RAB1A: variants seen among roughly 807,000 people sequenced by gnomAD.
RAB1A encodes RAB1A, member RAS oncogene family.
In RAB1A, 2 loss-of-function variants were observed where a neutral mutation model predicts 26.0. That is an observed-to-expected ratio of 0.08 (90% CI 0.03 to 0.24). The LOEUF (loss-of-function observed/expected upper bound fraction) is 0.24. Among genes scored for constraint, RAB1A ranks in the 10% least tolerant of loss-of-function variants. The probability of loss-of-function intolerance (pLI) is 1.00; values close to 1 mark genes in which losing one functional copy is unlikely to be tolerated. For missense variants in RAB1A, 100 were observed against 247.0 expected (o/e 0.40, Z 3.99); for synonymous variants, 84 against 84.9 (o/e 0.99, Z 0.06).
In RAB1A at chr2:65,086,960, A is replaced by T. The variant is rs557212318; in HGVS notation, c.*1533T>A. The stretch of plus-strand genomic sequence containing the variant: ...CTTACCACTTATTTTTGTACCATGT[A>T]TTTCAATTGCCTGTTTAGTGAAAAA... On this transcript the variant is annotated 3_prime_UTR_variant, in exon 6 of 6. Coordinates refer to ENST00000409784, the MANE Select transcript of RAB1A (RefSeq NM_004161.5). The T allele has an allele frequency of 6.6e-6, 1 of 152,670 alleles. No individual in the cohort carries two copies. Among genetic ancestry groups the T allele is most frequent in the South Asian group, 2.1e-4 (1 of 4,828 alleles). 9.5% of individuals were successfully genotyped at this position (152,670 alleles called of 1,614,324 possible).
chr2:65,105,950 A>T (rs1435747818), intron 1 of RAB1A, among the ~76,000 whole-genome samples: 1 of 152,128 alleles, frequency 6.6e-6, no homozygotes, highest in Non-Finnish European at 1.5e-5. Flanking sequence ...TTTAGTAGAC[A>T]CGGGTTTCAC....
intron 1 of RAB1A, among the ~76,000 whole-genome samples, chr2:65,114,586 G>A (rs1669779577): frequency 6.6e-6 from 1 of 152,306 alleles, no homozygotes; most frequent in Non-Finnish European, 1.5e-5. Context: ...GCTCACGCCT[G>A]TAATCCCAGC....
At chr2:65,094,584 C>CA (rs11301138) in intron 3 of RAB1A, among the ~76,000 whole-genome samples, 113 of 121,042 alleles carry the variant, frequency 9.3e-4, no homozygotes, top group African/African-American at 3.0e-3. Flanking sequence ...AACTCCGTCT[C>CA]AAAAAAAAAA....
intron 1 of RAB1A, among the ~76,000 whole-genome samples, chr2:65,108,304 G>A (rs1336871978): frequency 6.7e-6 from 1 of 149,988 alleles, no homozygotes; most frequent in African/African-American, 2.5e-5. Flanking sequence ...AGAGGTTGCA[G>A]TGCGCTGACA....
intron 3 of RAB1A, among the ~76,000 whole-genome samples, chr2:65,095,516 C>CTT (rs35819441): frequency 0.023 from 2,881 of 125,870 alleles, 77 homozygotes; most frequent in Middle Eastern, 0.05. Flanking sequence ...CACCTGGTTA[C>CTT]TTTTTTTTTT....
chr2:65,101,599 T>C (rs1374451777), intron 2 of RAB1A, among the ~76,000 whole-genome samples: 1 of 151,824 alleles, frequency 6.6e-6, no homozygotes, highest in East Asian at 1.9e-4. Flanking sequence ...CTACCGAGAG[T>C]TGCTTAAGAA....
At chr2:65,109,920 T>C (rs956425256) in intron 1 of RAB1A, among the ~76,000 whole-genome samples, 3 of 152,158 alleles carry the variant, frequency 2.0e-5, no homozygotes, top group Non-Finnish European at 2.9e-5. Flanking sequence ...CATAGCTATC[T>C]GTGGGTGTGG....
intron 2 of RAB1A, among the ~76,000 whole-genome samples, chr2:65,103,969 G>A (rs1041466279): frequency 4.6e-5 from 7 of 151,914 alleles, no homozygotes; most frequent in Non-Finnish European, 8.8e-5. Context: ...TAGTAGAGAC[G>A]GGGTTTCACC....
intron 1 of RAB1A, among the ~76,000 whole-genome samples, chr2:65,114,863 A>AC (rs57372779): frequency 0.021 from 1,110 of 53,272 alleles, 12 homozygotes; most frequent in African/African-American, 0.042. Flanking sequence ...AAAAAAAAAA[A>AC]CAAAAAAAAA....
intron 1 of RAB1A, among the ~76,000 whole-genome samples, chr2:65,111,340 C>T (rs1272023809): frequency 2.7e-5 from 4 of 148,702 alleles, no homozygotes; most frequent in African/African-American, 1.0e-4. Flanking sequence ...CCAGCCTAGG[C>T]GACAGAACGA....
chr2:65,117,830 G>A (rs1031009452), intron 1 of RAB1A, among the ~76,000 whole-genome samples: 3 of 150,836 alleles, frequency 2.0e-5, no homozygotes, highest in Admixed American at 1.3e-4. Context: ...CTCAGCCTCC[G>A]AAAGTGCTGA....
intron 1 of RAB1A, among the ~76,000 whole-genome samples, chr2:65,116,772 G>C (rs905815574): frequency 9.2e-5 from 14 of 152,218 alleles, no homozygotes; most frequent in African/African-American, 3.1e-4. Context: ...ACTAATAGTT[G>C]TAAGTACTAT....
At chr2:65,094,584 C>CAAAAAA (rs11301138) in intron 3 of RAB1A, among the ~76,000 whole-genome samples, 2 of 121,048 alleles carry the variant, frequency 1.7e-5, no homozygotes, top group African/African-American at 3.1e-5. Context: ...AACTCCGTCT[C>CAAAAAA]AAAAAAAAAA....
chr2:65,115,912 T>G (rs1000488941), intron 1 of RAB1A, among the ~76,000 whole-genome samples: 2 of 152,156 alleles, frequency 1.3e-5, no homozygotes, highest in African/African-American at 2.4e-5. Context: ...TCCCAGCATT[T>G]TGGGAGGCCG....
At chr2:65,115,943 G>A (rs1669814475) in intron 1 of RAB1A, among the ~76,000 whole-genome samples, 2 of 152,048 alleles carry the variant, frequency 1.3e-5, no homozygotes, top group Non-Finnish European at 2.9e-5. Context: ...ATCACTTGAG[G>A]CCAAGAGTTC....
chr2:65,117,792 A>C (rs553262508), intron 1 of RAB1A, among the ~76,000 whole-genome samples: 1 of 151,900 alleles, frequency 6.6e-6, no homozygotes, highest in South Asian at 2.1e-4. Context: ...GTTGGTCTCA[A>C]ACTCCTGAGC....
intron 1 of RAB1A, among the ~76,000 whole-genome samples, chr2:65,114,476 T>C (rs1669777547): frequency 6.6e-6 from 1 of 152,230 alleles, no homozygotes; most frequent in Admixed American, 6.6e-5. Context: ...TGGATTCATT[T>C]GCATGACAGG....
chr2:65,127,405 A>G (rs71424162), intron 1 of RAB1A, among the ~76,000 whole-genome samples: 1 of 152,164 alleles, frequency 6.6e-6, no homozygotes, highest in Non-Finnish European at 1.5e-5. Context: ...ACACATCTGG[A>G]ATTTGCTATA....
chr2:65,127,353 A>G (rs1233187411), intron 1 of RAB1A, among the ~76,000 whole-genome samples: 2 of 152,112 alleles, frequency 1.3e-5, no homozygotes, highest in African/African-American at 4.8e-5. Flanking sequence ...AGCCAACCAC[A>G]ACCCACCATC....
Sources: gnomAD v4.1 joint callset for allele counts (sites outside exome capture counted in the v4.1 genomes callset) on GRCh38, gnomAD v4.1.1 for gene constraint, MANE v1.5 for transcripts, NCBI Gene and HGNC (gene_info 2026-07-23, HGNC 2026-07-21) for gene names.